The following CLIC2 variants were observed in gnomAD, a reference collection of about 807,000 sequenced individuals.
CLIC2 encodes the protein chloride intracellular channel protein 2.
Under a neutral mutation model 14.8 loss-of-function variants are expected in CLIC2, and 9 were observed. The observed-to-expected ratio is 0.61, with a 90% confidence interval of 0.37 to 1.06. The LOEUF (loss-of-function observed/expected upper bound fraction) is 1.06. CLIC2 is among the 50% of genes least tolerant of loss of function. CLIC2 has a pLI of 0.01. For synonymous variants in CLIC2, 61 were observed against 66.3 expected (o/e 0.92, Z 0.39); for missense variants, 148 against 181.4 (o/e 0.82, Z 1.06).
In CLIC2 at chrX:155,279,231, G is replaced by A; in HGVS notation, c.500C>T (p.Pro167Leu). 5 of 1,208,446 alleles carry A rather than the reference G, an allele frequency of 4.1e-6. No homozygotes were observed. Among genetic ancestry groups the A allele is most frequent in the Non-Finnish European group, 5.6e-6 (5 of 892,503 alleles). The change falls in exon 5 of 6, where the codon CCA (proline) becomes CTA (leucine). Residue 167 changes from proline (P) to leucine (L), a missense_variant. Pro to Leu is a moderately conservative substitution (Grantham distance 98). Transcript: ENST00000369449. Reference sequence around the variant, plus strand: ...ATCCAAGAATAGTCTTCTGGAAACTGGGGGTTCCTCAGCACTGTCTGGATC... The same window carrying A: ...ATCCAAGAATAGTCTTCTGGAAACTAGGGGTTCCTCAGCACTGTCTGGATC... The part of the protein sequence containing the change: ...EIDPDSAEEP[P>L]VSRRLFLDGD...
At position 155,279,195 on chromosome X, in the gene CLIC2, A is replaced by T; in HGVS notation, c.536T>A (p.Leu179Gln). 1 of 1,210,810 alleles carries T rather than the reference A, an allele frequency of 8.3e-7. No individual in the cohort carries two copies. Among genetic ancestry groups the T allele is most frequent in the Non-Finnish European group, 1.1e-6 (1 of 894,754 alleles). ...TAACAAGCTACAATCAGCCAGTGTT[A>T]GCTGGTCCCCATCCAAGAATAGTCT... Reference protein sequence around the residue: ...SRRLFLDGDQLTLADCSLLPK... With the variant: ...SRRLFLDGDQQTLADCSLLPK... The change falls in exon 5 of 6, where the codon CTA becomes CAA. Residue 179 changes from leucine to glutamine, a missense_variant. Coordinates refer to ENST00000369449, the MANE Select transcript of CLIC2 (RefSeq NM_001289.6).
At chrX:155,278,968 T>A (rs1175719239) in intron 5 of CLIC2, 181 bp downstream of exon 5, 2 of 471,583 alleles carry the variant, frequency 4.2e-6, no homozygotes, top group African/African-American at 4.9e-5. Flanking sequence ...TTTTAATACT[T>A]CCCAGAAGAG....
intron 3 of CLIC2, among the ~76,000 whole-genome samples, chrX:155,298,119 G>C: frequency 9.1e-6 from 1 of 109,596 alleles, no homozygotes; most frequent in Admixed American, 9.9e-5. Flanking sequence ...TATGATAACT[G>C]TGTTCCCGAC....
intron 1 of CLIC2, among the ~76,000 whole-genome samples, chrX:155,301,516 G>A (rs112701783): frequency 1.9e-5 from 2 of 105,661 alleles, no homozygotes; most frequent in Non-Finnish European, 3.9e-5. Flanking sequence ...CAATCATGTC[G>A]TCTGCACACA....
intron 3 of CLIC2, chrX:155,292,378 A>C: frequency 3.6e-6 from 2 of 561,923 alleles, no homozygotes; most frequent in East Asian, 3.3e-5. Flanking sequence ...AAACATGCTG[A>C]GTATTCTGTT....
chrX:155,288,085 T>A (rs1394355413), intron 3 of CLIC2, among the ~76,000 whole-genome samples: 4 of 112,100 alleles, frequency 3.6e-5, no homozygotes, highest in Non-Finnish European at 7.5e-5. Flanking sequence ...TGCAAGTGAT[T>A]TTTGTACATT....
At chrX:155,323,623 A>G (rs1445428675) in intron 1 of CLIC2, among the ~76,000 whole-genome samples, 1 of 112,136 alleles carries the variant, frequency 8.9e-6, no homozygotes, top group Non-Finnish European at 1.9e-5. Flanking sequence ...AACTGGCACA[A>G]GACAAGGATG....
chrX:155,314,404 C>T (rs782214774), intron 1 of CLIC2, among the ~76,000 whole-genome samples: 41 of 112,455 alleles, frequency 3.6e-4, no homozygotes, highest in Non-Finnish European at 6.8e-4. Context: ...GGTCATATCA[C>T]AGGACTCTTT....
intron 1 of CLIC2, among the ~76,000 whole-genome samples, chrX:155,306,202 C>T (rs1011464544): frequency 2.5e-4 from 28 of 111,493 alleles, no homozygotes; most frequent in African/African-American, 8.5e-4. Context: ...ATCCTGGGGG[C>T]GGATCCCTCA....
chrX:155,291,299 G>A lies in CLIC2; in HGVS notation c.293+7486C>T. On this transcript the variant is annotated intron_variant, in intron 3 of 5. Coordinates refer to ENST00000369449, the MANE Select transcript of CLIC2 (RefSeq NM_001289.6). ...CCCATTTTCAATAGATATTTTCAGA[G>A]GTCTGTACTTTCCATTTCTGGCTCT... The A allele has an allele frequency of 3.3e-6, 3 of 903,704 alleles. No homozygotes were observed. The South Asian group carries it at 5.9e-5, about 18-fold the overall frequency. 74.5% of individuals were successfully genotyped at this position (903,704 alleles called of 1,213,427 possible).
In CLIC2 at chrX:155,299,159, G is replaced by T. The variant is rs782588490; in HGVS notation, c.58-14C>A. On this transcript the variant is annotated splice_polypyrimidine_tract_variant and intron_variant, in intron 1 of 5. Coordinates refer to ENST00000369449, the MANE Select transcript of CLIC2 (RefSeq NM_001289.6). The stretch of plus-strand genomic sequence containing the variant: ...ATCACTTCCAGCCTATTAAGATAAA[G>T]AGAGACCTCAGTTCATTTGTTTGTT... 2 of 1,136,735 alleles carry T rather than the reference G, an allele frequency of 1.8e-6. No individual in the cohort carries two copies. The highest frequency in any genetic ancestry group is 1.2e-6 in the Non-Finnish European group (1 of 827,874). 93.7% of individuals were successfully genotyped at this position (1,136,735 alleles called of 1,213,427 possible).
intron 1 of CLIC2, chrX:155,309,674 G>GTTTC (rs2075067359): frequency 5.9e-6 from 1 of 168,451 alleles, no homozygotes; most frequent in Non-Finnish European, 1.1e-5. Context: ...AGTGAAAGGG[G>GTTTC]CCCTTATAAA....
chrX:155,294,837 A>G (rs1408387837), intron 3 of CLIC2, among the ~76,000 whole-genome samples: 3 of 112,068 alleles, frequency 2.7e-5, no homozygotes, highest in African/African-American at 9.7e-5. Context: ...AAGAAATAGA[A>G]AACATGAACA....
intron 1 of CLIC2, among the ~76,000 whole-genome samples, chrX:155,314,163 C>T (rs1418231645): frequency 9.0e-6 from 1 of 111,030 alleles, no homozygotes; most frequent in African/African-American, 3.3e-5. Context: ...TGCCCACCAC[C>T]CGAGAAACCT....
At chrX:155,282,204 C>T (rs956481710) in intron 3 of CLIC2, among the ~76,000 whole-genome samples, 1 of 111,996 alleles carries the variant, frequency 8.9e-6, no homozygotes, top group African/African-American at 3.2e-5. Context: ...ACTTTTCTTT[C>T]AGGTCTTTTT....
chrX:155,281,337 G>A (rs2074918560), intron 3 of CLIC2, among the ~76,000 whole-genome samples: 1 of 109,285 alleles, frequency 9.2e-6, no homozygotes, highest in South Asian at 3.9e-4. Flanking sequence ...ATTTGCAAAG[G>A]GTAGATTTTA....
At position 155,276,235 on chromosome X, in the gene CLIC2, T is replaced by C. The variant is rs1435290251; in HGVS notation, c.*1668A>G. On this transcript the variant is annotated 3_prime_UTR_variant, in exon 6 of 6. Coordinates refer to ENST00000369449, the MANE Select transcript of CLIC2 (RefSeq NM_001289.6). ...ATTGAAGGTTTTTAAAATTTATTTT[T>C]TAAATGTATAATGGGCACATAATTG... is the stretch of plus-strand genomic sequence containing the variant. 6.3e-5 allele frequency: 7 copies of C among 111,886 alleles called. No individual in the cohort carries two copies. Among genetic ancestry groups the C allele is most frequent in the African/African-American group, 2.3e-4 (7 of 30,853 alleles). The allele number at this position is 111,886 out of a possible 1,213,427, so 9.2% of individuals were successfully genotyped here.
chrX:155,325,705 C>T (rs1185621190), intron 1 of CLIC2, among the ~76,000 whole-genome samples: 1 of 96,826 alleles, frequency 1.0e-5, no homozygotes, highest in Non-Finnish European at 2.0e-5. Flanking sequence ...ATGTAACAAA[C>T]CTGCACGTTC....
chrX:155,316,763 C>T (rs1475318079), intron 1 of CLIC2, among the ~76,000 whole-genome samples: 1 of 110,716 alleles, frequency 9.0e-6, no homozygotes, highest in Non-Finnish European at 1.9e-5. Context: ...AGGCCAAGTC[C>T]CAAAACTGAA....
Sources: gnomAD v4.1 joint callset for allele counts (sites outside exome capture counted in the v4.1 genomes callset) on GRCh38, gnomAD v4.1.1 for gene constraint, MANE v1.5 for transcripts, NCBI Gene and HGNC (gene_info 2026-07-23, HGNC 2026-07-21) for gene names.